Variants in BAZ1B observed in about 807,000 individuals in gnomAD.
The protein encoded by BAZ1B is bromodomain adjacent to zinc finger domain 1B.
Under a neutral mutation model 153.8 loss-of-function variants are expected in BAZ1B, and 22 were observed. The ratio of observed to expected loss-of-function variants is 0.14; its 90% CI spans 0.10 to 0.20. The LOEUF is 0.20. BAZ1B is among the 10% of genes least tolerant of loss of function. The pLI is 1.00. For missense variants in BAZ1B, 1,325 were observed against 1,799.3 expected, an observed-to-expected ratio of 0.74 and a Z score of 4.77; for synonymous variants, 676 against 633.4, an observed-to-expected ratio of 1.07 and a Z score of -1.01.
intron 3 of BAZ1B, among the ~76,000 whole-genome samples, chr7:73,506,945 C>A (rs1183827678): frequency 7.5e-6 from 1 of 132,918 alleles, no homozygotes; most frequent in Non-Finnish European, 1.6e-5. Context: ...GTGGCACGAT[C>A]TCGGCTCACT....
intron 7 of BAZ1B, among the ~76,000 whole-genome samples, chr7:73,472,742 AATTTATTT>A (rs112634031): frequency 6.9e-5 from 10 of 145,726 alleles, no homozygotes; most frequent in South Asian, 2.2e-4. Context: ...ACAGCCAGCT[AATTTATTT>A]ATTTATTTAT....
intron 16 of BAZ1B, 99 bp downstream of exon 16, chr7:73,447,165 G>C (rs1311531438): frequency 2.2e-5 from 36 of 1,602,864 alleles, no homozygotes; most frequent in Non-Finnish European, 2.9e-5. Flanking sequence ...AAAGGAATAG[G>C]GCAAGCCGGC....
intron 1 of BAZ1B, among the ~76,000 whole-genome samples, chr7:73,513,252 C>T (rs1790658635): frequency 6.6e-6 from 1 of 152,122 alleles, no homozygotes; most frequent in Admixed American, 6.6e-5. Flanking sequence ...CACGCCCAGC[C>T]GCATGTTTAA....
chr7:73,521,813 C>G lies in BAZ1B; in HGVS notation c.107+14G>C. On this transcript the variant is annotated intron_variant, in intron 1 of 19. Coordinates refer to ENST00000339594, the MANE Select transcript of BAZ1B (RefSeq NM_032408.4). ...GCCCGGCCCAGCCCGGCCCGCGCGG[C>G]TGGAAAAGGATACTCCCGGGTGCGG... 5 of 1,484,810 alleles carry G rather than the reference C, an allele frequency of 3.4e-6. No homozygotes were observed. Among genetic ancestry groups the G allele is most frequent in the Non-Finnish European group, 4.5e-6 (5 of 1,109,874 alleles). The allele number at this position is 1,484,810 out of a possible 1,614,324, so 92.0% of individuals were successfully genotyped here. A position where few individuals can be genotyped will look rare whatever the true frequency, so the allele number is the denominator to read the frequency against.
At chr7:73,442,701 T>G in intron 18 of BAZ1B, 24 bp downstream of exon 18, 1 of 1,609,676 alleles carries the variant, frequency 6.2e-7, no homozygotes, top group Middle Eastern at 1.7e-4. Flanking sequence ...TCCTCTCCCC[T>G]GCACCTGAGA....
In BAZ1B at chr7:73,470,398, C is replaced by T; in HGVS notation, c.2679G>A (p.Lys893=). The change falls in exon 8 of 20, where the codon AAG becomes AAA. Residue 893 remains lysine (K), a synonymous_variant. Transcript: ENST00000339594. ...GAGTCCTGCGCATGACTAGTTTGGC[C>T]TTGGCAATCCCTTCCTGGAAAGCTT... ...AEKAFQEGIA[K]AKLVMRRTPI... The T allele has an allele frequency of 2.5e-6, 4 of 1,614,104 alleles. No homozygotes were observed. The highest frequency in any genetic ancestry group is 3.4e-6 in the Non-Finnish European group (4 of 1,180,016).
chr7:73,457,745 T>TAGAAGACTGGAATGTTCAGCCCTACC (rs1292411745), intron 13 of BAZ1B, among the ~76,000 whole-genome samples: 28 of 152,232 alleles, frequency 1.8e-4, no homozygotes, highest in African/African-American at 6.5e-4. Flanking sequence ...ACCAGATGAT[T>TAGAAGACTGGAATGTTCAGCCCTACC]AGAAGACTGG....
At chr7:73,514,154 G>A (rs1583959007) in intron 1 of BAZ1B, among the ~76,000 whole-genome samples, 1 of 152,230 alleles carries the variant, frequency 6.6e-6, no homozygotes, top group East Asian at 1.9e-4. Flanking sequence ...AGATTTTGGA[G>A]CATTTCTGAT....
At chr7:73,508,228 A>C (rs1554578078) in intron 3 of BAZ1B, 99 bp downstream of exon 3, 4 of 1,274,188 alleles carry the variant, frequency 3.1e-6, no homozygotes, top group Non-Finnish European at 4.3e-6. Flanking sequence ...ATAATACTAA[A>C]TATAACACAG....
intron 16 of BAZ1B, 25 bp from the exon 17 acceptor site, chr7:73,444,154 C>G: frequency 6.4e-7 from 1 of 1,569,176 alleles, no homozygotes. Context: ...ATGGATTCAG[C>G]AGAGAACAAC....
intron 12 of BAZ1B, among the ~76,000 whole-genome samples, chr7:73,461,435 C>T (rs1016310453): frequency 6.6e-6 from 1 of 152,106 alleles, no homozygotes; most frequent in African/African-American, 2.4e-5. Flanking sequence ...GACAACCTAA[C>T]GTCAGCAAGA....
At chr7:73,518,057 C>CT (rs1554579613) in intron 1 of BAZ1B, among the ~76,000 whole-genome samples, 1 of 152,164 alleles carries the variant, frequency 6.6e-6, no homozygotes, top group Non-Finnish European at 1.5e-5. Flanking sequence ...TCCAGACTGT[C>CT]TTTAAGTTAA....
intron 3 of BAZ1B, among the ~76,000 whole-genome samples, chr7:73,505,095 G>A (rs1790282459): frequency 6.6e-6 from 1 of 152,046 alleles, no homozygotes; most frequent in Non-Finnish European, 1.5e-5. Flanking sequence ...AAATACAAAG[G>A]AAGATACTCT....
chr7:73,506,748 G>A lies in BAZ1B; in HGVS notation c.369+1579C>T, dbSNP rs192952649. 1.9e-3 allele frequency among the ~76,000 whole-genome samples: 283 copies of A among 148,670 alleles called. 1 individual carries two copies. Among genetic ancestry groups the A allele is most frequent in the Admixed American group, 4.4e-3 (65 of 14,870 alleles). ...CGCCTGTAGTCCCAGCTACTCGGGA[G>A]GCTGAGGCAGGAGAATCACTTGAAC... On this transcript the variant is annotated intron_variant, in intron 3 of 19. Transcript: ENST00000339594.
At chr7:73,473,007 T>A (rs1761122871) in intron 7 of BAZ1B, among the ~76,000 whole-genome samples, 1 of 151,710 alleles carries the variant, frequency 6.6e-6, no homozygotes, top group African/African-American at 2.4e-5. Context: ...CGGTGGCCGA[T>A]CTTGGCTCAC....
At chr7:73,470,253 A>C in intron 8 of BAZ1B, 92 bp downstream of exon 8, 1 of 1,308,234 alleles carries the variant, frequency 7.6e-7, no homozygotes, top group Non-Finnish European at 1.0e-6. Flanking sequence ...TGAAGAGAGA[A>C]GCTTGTCTAT....
Position 73,463,019 on chromosome 7 carries a change from A to C in BAZ1B, c.3152T>G (p.Leu1051Arg). 1 of 1,614,072 alleles carries C rather than the reference A, an allele frequency of 6.2e-7. No homozygotes were observed. The highest frequency in any genetic ancestry group is 8.5e-7 in the Non-Finnish European group (1 of 1,179,960). The change falls in exon 12 of 20, where the codon CTT (leucine) becomes CGT (arginine). Residue 1051 changes from leucine (L) to arginine (R), a missense_variant. By Grantham distance (102) the Leu-to-Arg change is moderately radical. Transcript: ENST00000339594. ...GAGATCACTACGAAGGAAGTTTAAA[A>C]GCTCCTGGTTGCCATCACAAGATTT... ...GLKSCDGNQE[L>R]LNFLRSDLIE... is the part of the protein sequence containing the mutation.
At chr7:73,470,523 G>C (rs782609518) in intron 7 of BAZ1B, 40 bp from the exon 8 acceptor site, 15 of 1,603,664 alleles carry the variant, frequency 9.4e-6, no homozygotes, top group Non-Finnish European at 1.2e-5. Flanking sequence ...TATTTTCCTA[G>C]TAAATCCCAC....
intron 6 of BAZ1B, among the ~76,000 whole-genome samples, chr7:73,486,397 G>A (rs184053830): frequency 1.3e-5 from 2 of 152,064 alleles, no homozygotes; most frequent in South Asian, 2.1e-4. Flanking sequence ...CGTGATCTCG[G>A]CTCACTACAA....
Sources: allele counts gnomAD v4.1 joint callset (sites outside exome capture counted in the v4.1 genomes callset), GRCh38; gene constraint gnomAD v4.1.1; transcripts MANE v1.5; gene names NCBI Gene and HGNC (gene_info 2026-07-23, HGNC 2026-07-21).